PRKDC: variants seen among roughly 807,000 people sequenced by gnomAD.
PRKDC encodes the protein protein kinase, DNA-activated, catalytic subunit.
In PRKDC, 82 loss-of-function variants were observed where a neutral mutation model predicts 486.9. The ratio of observed to expected loss-of-function variants is 0.17; its 90% confidence interval spans 0.14 to 0.20. The LOEUF is 0.20. Ranked by LOEUF, PRKDC falls within the 10% of genes least tolerant of loss-of-function variation. The pLI is 1.00. For synonymous variants in PRKDC, 1,895 were observed against 1,837.0 expected (o/e 1.03, Z -0.81); for missense variants, 4,504 against 5,038.2 (o/e 0.89, Z 3.21).
At chr8:47,776,778 T>G in intron 85 of PRKDC, 66 bp downstream of exon 85, 3 of 1,569,682 alleles carry the variant, frequency 1.9e-6, no homozygotes, top group Non-Finnish European at 2.6e-6. Context: ...TGTATATATG[T>G]TGGCTCCTCG....
intron 68 of PRKDC, among the ~76,000 whole-genome samples, chr8:47,812,956 A>G (rs1230012834): frequency 6.6e-6 from 1 of 152,014 alleles, no homozygotes; most frequent in African/African-American, 2.4e-5. Context: ...TGAACATTAT[A>G]CCAATAATTT....
chr8:47,918,448 G>A, intron 21 of PRKDC, 65 bp from the exon 22 acceptor site: 1 of 879,016 alleles, frequency 1.1e-6, no homozygotes, highest in Non-Finnish European at 1.6e-6. Context: ...GTACATTAGA[G>A]GCAACAAACT....
At chr8:47,899,601 C>A (rs1375163688) in intron 28 of PRKDC, among the ~76,000 whole-genome samples, 1 of 152,160 alleles carries the variant, frequency 6.6e-6, no homozygotes, top group African/African-American at 2.4e-5. Context: ...TGAGATCGCA[C>A]CACTGCACTC....
At chr8:47,955,269 C>T (rs1397117599) in intron 4 of PRKDC, among the ~76,000 whole-genome samples, 7 of 151,014 alleles carry the variant, frequency 4.6e-5, no homozygotes, top group African/African-American at 9.7e-5. Flanking sequence ...GAGACCATCC[C>T]GGCTAAAACG....
rs1174315468 is a variant in PRKDC at position 47,924,544 on chromosome 8, A to T, written c.2419+2650T>A. On this transcript the variant is annotated intron_variant, in intron 21 of 85. Coordinates refer to ENST00000314191, the MANE Select transcript of PRKDC (RefSeq NM_006904.7). ...CACTGCTCTCCCGCCTGGGAAACAG[A>T]GTGAGACTCTGTCTCAAAATAATAA... Among the ~76,000 whole-genome samples the T allele has an allele frequency of 2.0e-5, 3 of 151,332 alleles. No individual in the cohort carries two copies. The East Asian group carries it at 5.8e-4, about 29-fold the overall frequency.
chr8:47,831,324 G>C (rs935476154), intron 60 of PRKDC, among the ~76,000 whole-genome samples: 1 of 152,228 alleles, frequency 6.6e-6, no homozygotes, highest in Admixed American at 6.5e-5. Context: ...GGAGCACCGC[G>C]AGGGATTTTT....
At chr8:47,939,145 A>G (rs543750451) in intron 11 of PRKDC, among the ~76,000 whole-genome samples, 5 of 152,354 alleles carry the variant, frequency 3.3e-5, no homozygotes, top group Non-Finnish European at 5.9e-5. Context: ...ATTTTGAGAT[A>G]CCACATGTAA....
At chr8:47,876,569 G>A (rs1362945428) in intron 40 of PRKDC, among the ~76,000 whole-genome samples, 2 of 151,636 alleles carry the variant, frequency 1.3e-5, no homozygotes, top group Admixed American at 6.6e-5. Flanking sequence ...GCTGACGCAG[G>A]AGAATCATTT....
At chr8:47,867,146 A>C (rs2088836131) in intron 40 of PRKDC, among the ~76,000 whole-genome samples, 1 of 152,194 alleles carries the variant, frequency 6.6e-6, no homozygotes, top group Non-Finnish European at 1.5e-5. Flanking sequence ...TTAAACACTA[A>C]TTTTTTAAGA....
chr8:47,837,189 T>A, intron 57 of PRKDC, 23 bp downstream of exon 57: 1 of 1,588,498 alleles, frequency 6.3e-7, no homozygotes, highest in Non-Finnish European at 8.6e-7. Flanking sequence ...TATTCACTAC[T>A]ATGAGAGAGA....
At chr8:47,877,588 A>T in intron 40 of PRKDC, 136 bp downstream of exon 40, 1 of 914,570 alleles carries the variant, frequency 1.1e-6, no homozygotes, top group Non-Finnish European at 1.5e-6. Context: ...GTTTTGTTTT[A>T]AAGACAAAAA....
rs375395171 is a variant in PRKDC at position 47,912,453 on chromosome 8, C to T, written c.2891G>A (p.Arg964Gln). Residue 964 changes from arginine to glutamine, a missense_variant, in exon 25 of 86, where the codon CGG becomes CAG. Physicochemically the swap from Arg to Gln is conservative, Grantham distance 43. Transcript: ENST00000314191. ...AAGTCGAAGCAGCACAGGAAACGTC[C>T]GCTTATAGAGCTGGTACATGGGTGG... ...GAPPMYQLYK[R>Q]TFPVLLRLAC... The T allele has an allele frequency of 6.2e-6, 10 of 1,608,696 alleles. No individual in the cohort carries two copies. In the Admixed American group the frequency reaches 8.5e-5, roughly 14 times the overall value.
chr8:47,951,342 C>T (rs953065350), intron 7 of PRKDC, among the ~76,000 whole-genome samples: 14 of 150,992 alleles, frequency 9.3e-5, no homozygotes, highest in African/African-American at 3.2e-4. Context: ...GCCTGGGCAA[C>T]AGAGTGAGAC....
Position 47,900,486 on chromosome 8 carries a change from G to A in PRKDC, c.3270-19C>T, listed in dbSNP as rs768355732. The A allele has an allele frequency of 1.6e-5, 25 of 1,567,300 alleles. 2 individuals are homozygous for A. The South Asian group carries it at 2.9e-4, about 18-fold the overall frequency. ...TTCTTCCCTGTAAAATAAAGAATAGGAAACCTCACCTAAGAAAACAATAAA... is the reference window on the plus strand; with the variant it reads ...TTCTTCCCTGTAAAATAAAGAATAGAAAACCTCACCTAAGAAAACAATAAA... On this transcript the variant is annotated intron_variant, in intron 27 of 85. Transcript: ENST00000314191.
At chr8:47,891,080 C>T (rs1304472451) in intron 31 of PRKDC, among the ~76,000 whole-genome samples, 1 of 152,166 alleles carries the variant, frequency 6.6e-6, no homozygotes, top group East Asian at 1.9e-4. Flanking sequence ...TGTCTGAAAA[C>T]ACCCTGGAGC....
Position 47,803,475 on chromosome 8 carries a change from A to C in PRKDC, c.9753T>G (p.Asn3251Lys). The C allele has an allele frequency of 1.2e-6, 2 of 1,613,834 alleles. No homozygotes were observed. Among genetic ancestry groups the C allele is most frequent in the Non-Finnish European group, 1.7e-6 (2 of 1,179,738 alleles). Reference protein sequence around the residue: ...KMIDSARKQNNFSLAMKLLKE... With the variant: ...KMIDSARKQNKFSLAMKLLKE... ...TCAGTAGTTTCATAGCAAGTGAGAAATTGTTCTGTATGAATACAATAAAAA... is the reference window on the plus strand; with the variant it reads ...TCAGTAGTTTCATAGCAAGTGAGAACTTGTTCTGTATGAATACAATAAAAA... Residue 3251 changes from asparagine to lysine, a missense_variant, in exon 70 of 86, where the codon AAT becomes AAG. Asn to Lys is a moderately conservative substitution (Grantham distance 94). Coordinates refer to ENST00000314191, the MANE Select transcript of PRKDC (RefSeq NM_006904.7).
At chr8:47,898,685 G>A in intron 28 of PRKDC, 116 bp from the exon 29 acceptor site, 2 of 561,222 alleles carry the variant, frequency 3.6e-6, no homozygotes, top group East Asian at 3.2e-5. Flanking sequence ...TTTTACTATA[G>A]ATTTAATATG....
chr8:47,848,987 A>G (rs918485922), intron 54 of PRKDC, among the ~76,000 whole-genome samples, 167 bp downstream of exon 54: 3 of 152,214 alleles, frequency 2.0e-5, no homozygotes, highest in Admixed American at 2.0e-4. Flanking sequence ...GGCCCACCTC[A>G]GCAGATATCC....
intron 40 of PRKDC, among the ~76,000 whole-genome samples, chr8:47,868,579 A>G (rs1315863952): frequency 1.3e-5 from 2 of 152,110 alleles, no homozygotes; most frequent in Admixed American, 6.5e-5. Context: ...TAATAAATGA[A>G]TGAATGAATG....
Sources: allele counts gnomAD v4.1 joint callset (sites outside exome capture counted in the v4.1 genomes callset), GRCh38; gene constraint gnomAD v4.1.1; transcripts MANE v1.5; gene names NCBI Gene and HGNC (gene_info 2026-07-23, HGNC 2026-07-21).